The following ZFYVE16 variants were observed in gnomAD, a reference collection of about 807,000 sequenced individuals.
ZFYVE16 encodes the protein zinc finger FYVE domain-containing protein 16.
Under a neutral mutation model 138.1 loss-of-function variants are expected in ZFYVE16, and 89 were observed. That is an observed-to-expected ratio of 0.64 (90% CI 0.54 to 0.77). ZFYVE16 has a LOEUF of 0.77. Ranked by LOEUF, ZFYVE16 falls within the 30% of genes least tolerant of loss-of-function variation. ZFYVE16 has a pLI of 0.00. For missense variants in ZFYVE16, 1,793 were observed against 1,786.7 expected (o/e 1.00, Z -0.06); for synonymous variants, 596 against 618.3 (o/e 0.96, Z 0.53).
At chr5:80,415,066 A>C (rs1746010524) in intron 1 of ZFYVE16, among the ~76,000 whole-genome samples, 1 of 152,106 alleles carries the variant, frequency 6.6e-6, no homozygotes, top group African/African-American at 2.4e-5. Context: ...CTTTTATTAG[A>C]ATATTAAACC....
intron 2 of ZFYVE16, among the ~76,000 whole-genome samples, chr5:80,433,904 A>C (rs891252031): frequency 6.6e-6 from 1 of 152,138 alleles, no homozygotes; most frequent in Non-Finnish European, 1.5e-5. Flanking sequence ...TTATATATGC[A>C]AATATTATGT....
intron 15 of ZFYVE16, among the ~76,000 whole-genome samples, chr5:80,467,505 C>G (rs938945926): frequency 1.3e-5 from 2 of 152,110 alleles, no homozygotes; most frequent in Non-Finnish European, 2.9e-5. Flanking sequence ...TATCTCAGTT[C>G]AATAATTAGA....
Position 80,445,250 on chromosome 5 carries a change from C to A in ZFYVE16, c.2582-13C>A. 1.9e-6 allele frequency: 3 copies of A among 1,601,318 alleles called. No individual in the cohort carries two copies. Among genetic ancestry groups the A allele is most frequent in the Middle Eastern group, 1.7e-4 (1 of 5,976 alleles). ...ACCAGATTCAAATGTTTTACTTTTT[C>A]AATTGATTCTAGGACTATGTTCCAA... is the stretch of plus-strand genomic sequence containing the variant. On this transcript the variant is annotated splice_polypyrimidine_tract_variant and intron_variant, in intron 6 of 18. Coordinates refer to ENST00000505560, the MANE Select transcript of ZFYVE16 (RefSeq NM_001284236.3).
Position 80,437,575 on chromosome 5 carries a change from G to A in ZFYVE16, c.890G>A (p.Gly297Asp). Reference sequence around the variant, plus strand: ...GCCGCAGAATGTTTAAAAGAAGAGGGCAAGACAAGTGCTTTGACCTGCAGC... The same window carrying A: ...GCCGCAGAATGTTTAAAAGAAGAGGACAAGACAAGTGCTTTGACCTGCAGC... ...ITAAECLKEE[G>D]KTSALTCSLP... is the part of the protein sequence containing the mutation. The change falls in exon 4 of 19, where the codon GGC (glycine) becomes GAC (aspartate). Residue 297 changes from glycine (G) to aspartate (D), a missense_variant. Around this residue, in one of 2 missense-constraint regions of ZFYVE16, gnomAD observed 1,295 missense variants for 1,204.3 expected, o/e 1.08. Coordinates refer to ENST00000505560, the MANE Select transcript of ZFYVE16 (RefSeq NM_001284236.3). The A allele has an allele frequency of 6.2e-7, 1 of 1,614,014 alleles. No homozygotes were observed. The highest frequency in any genetic ancestry group is 8.5e-7 in the Non-Finnish European group (1 of 1,179,974).
intron 1 of ZFYVE16, among the ~76,000 whole-genome samples, chr5:80,414,591 C>T (rs1039770974): frequency 2.0e-5 from 3 of 152,086 alleles, no homozygotes; most frequent in Non-Finnish European, 2.9e-5. Context: ...TCTTTGGAAG[C>T]GTTTATATTT....
intron 1 of ZFYVE16, among the ~76,000 whole-genome samples, chr5:80,413,928 A>G (rs1018403024): frequency 2.0e-5 from 3 of 152,138 alleles, no homozygotes; most frequent in South Asian, 2.1e-4. Context: ...ACCAACTCCT[A>G]CCTTTAAACA....
rs953784267 is a variant in ZFYVE16 at position 80,410,518 on chromosome 5, T to G, written c.-94+2365T>G. Among the ~76,000 whole-genome samples the G allele has an allele frequency of 4.6e-5, 7 of 152,194 alleles. 1 individual carries two copies. Among genetic ancestry groups the G allele is most frequent in the Admixed American group, 3.9e-4 (6 of 15,278 alleles). On this transcript the variant is annotated intron_variant, in intron 1 of 18. Coordinates refer to ENST00000505560, the MANE Select transcript of ZFYVE16 (RefSeq NM_001284236.3). ...TCGTTTATAGTCCAGTATCCAAGTG[T>G]TTTTCTAACACATTTTTATCTTCTT...
At position 80,454,509 on chromosome 5, in the gene ZFYVE16, C is replaced by CTT. The variant is rs1270643829; in HGVS notation, c.3608-1169_3608-1168dup. On this transcript the variant is annotated intron_variant, in intron 11 of 18. Coordinates refer to ENST00000505560, the MANE Select transcript of ZFYVE16 (RefSeq NM_001284236.3). ...TTTCCCTGACTCTATCTGTATATTC[C>CTT]TTTTTTTTTTTTTTTGAGACGGAGT... The CTT allele has an allele frequency of 1.2e-3, 173 of 141,882 alleles. 1 individual carries two copies. Among genetic ancestry groups the CTT allele is most frequent in the African/African-American group, 3.9e-3 (152 of 38,608 alleles). The allele number at this position is 141,882 out of a possible 1,614,324, so 8.8% of individuals were successfully genotyped here. A position where few individuals can be genotyped will look rare whatever the true frequency, so the allele number is the denominator to read the frequency against.
intron 1 of ZFYVE16, among the ~76,000 whole-genome samples, chr5:80,415,578 C>T (rs562912084): frequency 5.3e-5 from 8 of 152,138 alleles, no homozygotes; most frequent in East Asian, 3.9e-4. Context: ...ATGTTTTTCT[C>T]GTTATTATAT....
At chr5:80,461,607 G>A (rs892483095) in intron 15 of ZFYVE16, among the ~76,000 whole-genome samples, 2 of 152,166 alleles carry the variant, frequency 1.3e-5, no homozygotes, top group Non-Finnish European at 2.9e-5. Context: ...GGTAAGGCTT[G>A]TCTCCTTGGC....
At chr5:80,410,211 A>C (rs1745215819) in intron 1 of ZFYVE16, 1 of 152,204 alleles carries the variant, frequency 6.6e-6, no homozygotes, top group African/African-American at 2.4e-5. Context: ...AATTTCTAAA[A>C]AGATAATTGT....
intron 15 of ZFYVE16, among the ~76,000 whole-genome samples, chr5:80,465,322 T>TG (rs1753569466): frequency 6.6e-6 from 1 of 151,466 alleles, no homozygotes; most frequent in Non-Finnish European, 1.5e-5. Flanking sequence ...TGGTTAACAA[T>TG]ATTTTTCATT....
chr5:80,471,147 T>C (rs1398007288), intron 15 of ZFYVE16, among the ~76,000 whole-genome samples: 1 of 152,136 alleles, frequency 6.6e-6, no homozygotes, highest in Non-Finnish European at 1.5e-5. Flanking sequence ...TGCCTGTCCA[T>C]ATGGATAAGA....
At chr5:80,471,688 G>A (rs549559902) in intron 15 of ZFYVE16, among the ~76,000 whole-genome samples, 12 of 152,284 alleles carry the variant, frequency 7.9e-5, no homozygotes, top group South Asian at 6.2e-4. Flanking sequence ...AGAGCGCCCC[G>A]TTGCATTGTG....
rs759013702 is a variant in ZFYVE16, at chr5:80,438,070, T to G, written c.1385T>G (p.Val462Gly). ...AGAAAGATAGATCCTGACCAGACAGTAATCAGAGCTGAGTCTTTGGATGGT... is the reference window on the plus strand; with the variant it reads ...AGAAAGATAGATCCTGACCAGACAGGAATCAGAGCTGAGTCTTTGGATGGT... ...EDRKIDPDQT[V>G]IRAESLDGGD... Residue 462 changes from valine to glycine, a missense_variant, in exon 4 of 19, where the codon GTA (valine) becomes GGA (glycine). Around this residue, in one of 2 missense-constraint regions of ZFYVE16, gnomAD observed 1,295 missense variants for 1,204.3 expected, o/e 1.08. Transcript: ENST00000505560. 11 of 1,613,994 alleles carry G rather than the reference T, an allele frequency of 6.8e-6. No homozygotes were observed. Among genetic ancestry groups the G allele is most frequent in the Non-Finnish European group, 9.3e-6 (11 of 1,179,982 alleles).
At chr5:80,421,784 T>A (rs975508023) in intron 1 of ZFYVE16, among the ~76,000 whole-genome samples, 1 of 152,204 alleles carries the variant, frequency 6.6e-6, no homozygotes, top group Non-Finnish European at 1.5e-5. Context: ...GCGGGCCCTT[T>A]TTTGGTTCCA....
At chr5:80,447,932 A>G (rs906336411) in intron 7 of ZFYVE16, 94 bp from the exon 8 acceptor site, 11 of 1,142,368 alleles carry the variant, frequency 9.6e-6, no homozygotes, top group Non-Finnish European at 1.2e-5. Context: ...ATTTATTCTT[A>G]TTAAAAAGAT....
At chr5:80,408,339 C>T (rs1744912103) in intron 1 of ZFYVE16, among the ~76,000 whole-genome samples, 186 bp downstream of exon 1, 3 of 152,232 alleles carry the variant, frequency 2.0e-5, no homozygotes, top group Non-Finnish European at 4.4e-5. Context: ...AACCCTGGCC[C>T]TCCAATCTGA....
Position 80,436,940 on chromosome 5 carries a change from C to A in ZFYVE16, c.255C>A (p.Leu85=), listed in dbSNP as rs772754949. 2 of 1,614,080 alleles carry A rather than the reference C, an allele frequency of 1.2e-6. No homozygotes were observed. Among genetic ancestry groups the A allele is most frequent in the Non-Finnish European group, 1.7e-6 (2 of 1,180,000 alleles). The change falls in exon 4 of 19, where the codon CTC becomes CTA. Residue 85 remains leucine, a synonymous_variant. Transcript: ENST00000505560. ...TNESSLNEKT[L]KGLTSIQNEK... is the part of the protein sequence containing the mutation. ...AGAGTTCCCTGAATGAAAAAACACT[C>A]AAGGGACTTACTTCTATACAAAATG... is the stretch of plus-strand genomic sequence containing the variant.
Sources: gnomAD v4.1 joint callset for allele counts (sites outside exome capture counted in the v4.1 genomes callset) on GRCh38, gnomAD v4.1.1 for gene constraint, gnomAD v4.1.1 regional missense constraint, MANE v1.5 for transcripts, NCBI Gene and HGNC (gene_info 2026-07-23, HGNC 2026-07-21) for gene names.